WDR7: variants seen among roughly 807,000 people sequenced by gnomAD.
The protein encoded by WDR7 is WD repeat domain 7.
A neutral mutation model predicts 169.4 loss-of-function variants in WDR7; 46 were observed. The observed-to-expected ratio is 0.27, with a 90% CI of 0.21 to 0.35. The LOEUF (loss-of-function observed/expected upper bound fraction) is 0.35, where lower values mean the gene tolerates loss of function less well. Ranked by LOEUF, WDR7 falls within the 10% of genes least tolerant of loss-of-function variation. The pLI is 1.00. For missense variants in WDR7, 1,534 were observed against 1,859.3 expected (o/e 0.83, Z 3.22); for synonymous variants, 612 against 666.8 (o/e 0.92, Z 1.27).
chr18:56,665,554 T>C (rs1242167294), intron 1 of WDR7, among the ~76,000 whole-genome samples: 1 of 152,184 alleles, frequency 6.6e-6, no homozygotes, highest in Non-Finnish European at 1.5e-5. Context: ...GTGTACCCAC[T>C]GTATATTTTG....
intron 26 of WDR7, among the ~76,000 whole-genome samples, chr18:56,965,584 C>A (rs1028770339): frequency 5.9e-5 from 9 of 151,990 alleles, no homozygotes; most frequent in African/African-American, 2.2e-4. Context: ...AGCTAGCCTG[C>A]CACTTGTTTT....
chr18:56,885,173 T>G (rs898076112), intron 21 of WDR7, among the ~76,000 whole-genome samples: 2 of 151,954 alleles, frequency 1.3e-5, no homozygotes, highest in Admixed American at 1.3e-4. Context: ...ACATAGCCTA[T>G]CCAAATGAGA....
At chr18:56,734,524 G>GAA (rs111344360) in intron 14 of WDR7, among the ~76,000 whole-genome samples, 3 of 76,166 alleles carry the variant, frequency 3.9e-5, no homozygotes, top group African/African-American at 8.5e-5. Context: ...CACTGCTTTT[G>GAA]AAAAAAAAAA....
At chr18:56,691,646 T>C (rs2025572617) in intron 8 of WDR7, 69 bp from the exon 9 acceptor site, 5 of 1,346,634 alleles carry the variant, frequency 3.7e-6, no homozygotes, top group African/African-American at 1.5e-5. Flanking sequence ...CAACAAACCT[T>C]GTCATATGGA....
At chr18:56,878,645 G>A (rs1262802992) in intron 20 of WDR7, among the ~76,000 whole-genome samples, 1 of 152,132 alleles carries the variant, frequency 6.6e-6, no homozygotes, top group Non-Finnish European at 1.5e-5. Flanking sequence ...TTGGGGTTGT[G>A]CAGATATTAC....
intron 23 of WDR7, among the ~76,000 whole-genome samples, chr18:56,937,538 G>A (rs1283727900): frequency 6.6e-6 from 1 of 152,036 alleles, no homozygotes; most frequent in Non-Finnish European, 1.5e-5. Flanking sequence ...CTCTTCCCGG[G>A]CTAGTCCAGG....
intron 12 of WDR7, among the ~76,000 whole-genome samples, chr18:56,716,920 T>C (rs917830342): frequency 1.3e-5 from 2 of 152,228 alleles, no homozygotes; most frequent in Non-Finnish European, 2.9e-5. Flanking sequence ...CCTATCAACG[T>C]GTCCCATTTG....
intron 22 of WDR7, among the ~76,000 whole-genome samples, chr18:56,928,901 C>T (rs753389549): frequency 1.4e-4 from 22 of 152,176 alleles, no homozygotes; most frequent in Non-Finnish European, 2.1e-4. Context: ...ATCTTGCATT[C>T]CAAATCTTAA....
chr18:56,859,448 C>A (rs2045771176), intron 20 of WDR7, among the ~76,000 whole-genome samples: 1 of 152,102 alleles, frequency 6.6e-6, no homozygotes, highest in Non-Finnish European at 1.5e-5. Flanking sequence ...TCTTCTTTAT[C>A]CTTGAGATTT....
chr18:56,715,791 C>G (rs1243482406), intron 12 of WDR7, among the ~76,000 whole-genome samples: 1 of 152,014 alleles, frequency 6.6e-6, no homozygotes, highest in Non-Finnish European at 1.5e-5. Flanking sequence ...TAATTATACC[C>G]GTAGAAAAAG....
chr18:56,764,942 A>G (rs1018713476), intron 16 of WDR7, among the ~76,000 whole-genome samples: 1 of 151,956 alleles, frequency 6.6e-6, no homozygotes, highest in African/African-American at 2.4e-5. Context: ...AGGTGCATAA[A>G]CCTTTGGAAT....
intron 20 of WDR7, among the ~76,000 whole-genome samples, chr18:56,873,045 A>C (rs2045974779): frequency 6.6e-6 from 1 of 152,218 alleles, no homozygotes; most frequent in South Asian, 2.1e-4. Flanking sequence ...TTTTTAGAAC[A>C]GTAGCAGGAT....
intron 26 of WDR7, among the ~76,000 whole-genome samples, chr18:57,013,208 G>A (rs1220481277): frequency 6.6e-6 from 1 of 152,134 alleles, no homozygotes; most frequent in Non-Finnish European, 1.5e-5. Flanking sequence ...AATAGGGTTT[G>A]CACACCTATG....
intron 26 of WDR7, among the ~76,000 whole-genome samples, chr18:56,973,043 T>C (rs1376501793): frequency 6.6e-6 from 1 of 152,190 alleles, no homozygotes; most frequent in African/African-American, 2.4e-5. Context: ...TTTCTTTGTA[T>C]TTTTAGTGGA....
chr18:56,870,398 C>T (rs1035090815), intron 20 of WDR7, among the ~76,000 whole-genome samples: 1 of 151,844 alleles, frequency 6.6e-6, no homozygotes, highest in Non-Finnish European at 1.5e-5. Flanking sequence ...CACTGAGGGC[C>T]AACATTTTTC....
Position 56,718,140 on chromosome 18 carries a change from C to T in WDR7, c.1755C>T (p.Tyr585=), listed in dbSNP as rs369469650. 1.2e-5 allele frequency: 19 copies of T among 1,611,220 alleles called. No individual in the cohort carries two copies. Among genetic ancestry groups the T allele is most frequent in the Admixed American group, 1.7e-5 (1 of 59,612 alleles). Residue 585 remains tyrosine, a synonymous_variant, in exon 13 of 28, where the codon TAC becomes TAT. Coordinates refer to ENST00000254442, the MANE Select transcript of WDR7 (RefSeq NM_015285.3). The part of the protein sequence containing the change: ...LVVGCSDGSV[Y]VWQMDTGALD... ...TGGGGTGTTCAGATGGTTCTGTGTA[C>T]GTCTGGCAAATGGATACTGGTAAGA...
At chr18:56,839,107 G>A (rs1022263065) in intron 20 of WDR7, among the ~76,000 whole-genome samples, 4 of 152,016 alleles carry the variant, frequency 2.6e-5, no homozygotes, top group African/African-American at 7.2e-5. Context: ...GTTTGATTCA[G>A]CATAAGTTTT....
chr18:56,717,116 G>A (rs904620933), intron 12 of WDR7, among the ~76,000 whole-genome samples: 3 of 152,122 alleles, frequency 2.0e-5, no homozygotes, highest in Admixed American at 6.6e-5. Context: ...GTTTCTGATG[G>A]CTGTTTTTAT....
At chr18:57,004,740 A>G (rs995520912) in intron 26 of WDR7, among the ~76,000 whole-genome samples, 9 of 152,142 alleles carry the variant, frequency 5.9e-5, no homozygotes, top group Non-Finnish European at 5.9e-5. Flanking sequence ...AGTTATCAAT[A>G]TTTTACAGAT....
Sources: allele counts gnomAD v4.1 joint callset (sites outside exome capture counted in the v4.1 genomes callset), GRCh38; gene constraint gnomAD v4.1.1; transcripts MANE v1.5; gene names NCBI Gene and HGNC (gene_info 2026-07-23, HGNC 2026-07-21).